CNTNAP2: variants seen among roughly 807,000 people sequenced by gnomAD.
The protein encoded by CNTNAP2 is contactin-associated protein-like 2.
A neutral mutation model predicts 155.2 loss-of-function variants in CNTNAP2; 98 were observed. That is an observed-to-expected ratio of 0.63 (90% CI 0.54 to 0.75). The LOEUF is 0.75. CNTNAP2 is among the 30% of genes least tolerant of loss of function. The probability of loss-of-function intolerance (pLI) is 0.00; values close to 1 mark genes in which losing one functional copy is unlikely to be tolerated. For synonymous variants in CNTNAP2, 651 were observed against 631.2 expected (o/e 1.03, Z -0.47); for missense variants, 1,727 against 1,688.1 (o/e 1.02, Z -0.40).
chr7:148,028,498 T>C (rs1160703146), intron 15 of CNTNAP2, among the ~76,000 whole-genome samples: 1 of 152,114 alleles, frequency 6.6e-6, no homozygotes, highest in Admixed American at 6.6e-5. Flanking sequence ...ATCACTTGAG[T>C]CCGGGAGGTC....
intron 20 of CNTNAP2, among the ~76,000 whole-genome samples, chr7:148,243,017 G>T (rs1366883456): frequency 1.3e-5 from 2 of 152,142 alleles, no homozygotes; most frequent in Non-Finnish European, 2.9e-5. Context: ...GTCTGGGCTG[G>T]CAGCTCAAGA....
At chr7:147,011,584 G>T (rs989012848) in intron 3 of CNTNAP2, among the ~76,000 whole-genome samples, 2 of 151,986 alleles carry the variant, frequency 1.3e-5, no homozygotes, top group Non-Finnish European at 2.9e-5. Flanking sequence ...CAAAAGTGAA[G>T]GCCTCAGAAG....
At chr7:147,662,847 G>A (rs75536684) in intron 13 of CNTNAP2, among the ~76,000 whole-genome samples, 11,703 of 152,196 alleles carry the variant, frequency 0.077, 760 homozygotes, top group African/African-American at 0.18. Flanking sequence ...AACGAAAGCC[G>A]ACAGACTACA....
At chr7:147,932,777 CT>C (rs944447372) in intron 14 of CNTNAP2, among the ~76,000 whole-genome samples, 17 of 152,212 alleles carry the variant, frequency 1.1e-4, no homozygotes, top group African/African-American at 3.9e-4. Flanking sequence ...AAAAGGCAAC[CT>C]GTAGAATGAG....
intron 21 of CNTNAP2, among the ~76,000 whole-genome samples, chr7:148,320,366 AT>A (rs890116512): frequency 7.6e-5 from 10 of 131,580 alleles, no homozygotes; most frequent in Admixed American, 7.4e-4. Flanking sequence ...CTAACAAAGA[AT>A]TTTTTTTTCT....
At chr7:147,176,117 T>A (rs1043756974) in intron 8 of CNTNAP2, among the ~76,000 whole-genome samples, 1 of 152,184 alleles carries the variant, frequency 6.6e-6, no homozygotes, top group Admixed American at 6.5e-5. Flanking sequence ...GAAAGGAGCC[T>A]CTCACCTGCA....
chr7:147,337,349 A>G (rs1317438211), intron 9 of CNTNAP2, among the ~76,000 whole-genome samples: 3 of 152,064 alleles, frequency 2.0e-5, no homozygotes, highest in Non-Finnish European at 2.9e-5. Context: ...CCCAGGGGCA[A>G]TGGAATTGCT....
At chr7:147,115,168 C>T (rs1363386463) in intron 5 of CNTNAP2, among the ~76,000 whole-genome samples, 1 of 152,214 alleles carries the variant, frequency 6.6e-6, no homozygotes, top group African/African-American at 2.4e-5. Flanking sequence ...AGAGTTTCTG[C>T]TGAGAGGGCT....
At chr7:147,716,047 G>A (rs934409290) in intron 13 of CNTNAP2, among the ~76,000 whole-genome samples, 2 of 152,132 alleles carry the variant, frequency 1.3e-5, no homozygotes, top group Admixed American at 1.3e-4. Context: ...GATGCAACTT[G>A]TACCAACACT....
chr7:146,642,314 C>G (rs2129161542), intron 1 of CNTNAP2, among the ~76,000 whole-genome samples: 2 of 113,616 alleles, frequency 1.8e-5, no homozygotes, highest in African/African-American at 6.7e-5. Flanking sequence ...CCCCCTCCCC[C>G]CACCCCACAA....
intron 13 of CNTNAP2, among the ~76,000 whole-genome samples, chr7:147,688,487 G>A (rs1053423521): frequency 3.3e-5 from 5 of 152,102 alleles, no homozygotes; most frequent in South Asian, 2.1e-4. Context: ...GAGTATGACA[G>A]CTCAACTCCC....
intron 10 of CNTNAP2, among the ~76,000 whole-genome samples, chr7:147,462,154 A>G (rs1411431982): frequency 6.6e-6 from 1 of 152,128 alleles, no homozygotes; most frequent in East Asian, 1.9e-4. Context: ...CACCACATCT[A>G]AAGAGATTCC....
rs911720327 is a variant in CNTNAP2 at position 146,681,201 on chromosome 7, G to A, written c.98-93070G>A. ...AGAAAGGAGAGAAATCAAACAGGGT[G>A]CAACAAGTGCTAAGTCATGGCTTGT... On this transcript the variant is annotated intron_variant, in intron 1 of 23. Transcript: ENST00000361727. 9.9e-5 allele frequency among the ~76,000 whole-genome samples: 15 copies of A among 151,190 alleles called. 1 individual carries two copies. Among genetic ancestry groups the A allele is most frequent in the Admixed American group, 9.9e-4 (15 of 15,134 alleles).
chr7:147,925,148 AG>A, intron 14 of CNTNAP2, among the ~76,000 whole-genome samples: 1 of 103,852 alleles, frequency 9.6e-6, no homozygotes, highest in Non-Finnish European at 2.1e-5. Flanking sequence ...AGAGAGAGAG[AG>A]AGAGAGAAGG....
chr7:148,116,875 T>C (rs1034407752), intron 15 of CNTNAP2, among the ~76,000 whole-genome samples: 3 of 152,234 alleles, frequency 2.0e-5, no homozygotes, highest in African/African-American at 7.2e-5. Flanking sequence ...AGAAAAGATA[T>C]AGCAAATACC....
intron 20 of CNTNAP2, among the ~76,000 whole-genome samples, chr7:148,245,172 A>G (rs182987115): frequency 1.3e-5 from 2 of 152,226 alleles, no homozygotes; most frequent in Admixed American, 6.5e-5. Context: ...TTGCTCTTCT[A>G]TGGCAAAGGA....
intron 13 of CNTNAP2, among the ~76,000 whole-genome samples, chr7:147,865,630 T>C (rs1015343786): frequency 1.2e-4 from 18 of 152,198 alleles, no homozygotes; most frequent in Non-Finnish European, 1.8e-4. Flanking sequence ...ATTGAGAGAT[T>C]CAATTTCTTC....
chr7:147,263,157 G>A (rs1417831830), intron 8 of CNTNAP2, among the ~76,000 whole-genome samples: 1 of 152,046 alleles, frequency 6.6e-6, no homozygotes, highest in Non-Finnish European at 1.5e-5. Flanking sequence ...GACCAGCCTG[G>A]GCAATATGGC....
chr7:146,285,722 TCCC>T (rs1800316903), intron 1 of CNTNAP2, among the ~76,000 whole-genome samples: 1 of 15,218 alleles, frequency 6.6e-5, no homozygotes, highest in African/African-American at 3.2e-4. Flanking sequence ...TCCCCTCCCC[TCCC>T]TTCCCCTCCC....
Sources: gnomAD v4.1 joint callset for allele counts (sites outside exome capture counted in the v4.1 genomes callset) on GRCh38, gnomAD v4.1.1 for gene constraint, MANE v1.5 for transcripts, NCBI Gene and HGNC (gene_info 2026-07-23, HGNC 2026-07-21) for gene names.